EPHA6: variants seen among roughly 807,000 people sequenced by gnomAD.
EPHA6 encodes the protein ephrin type-A receptor 6.
Under a neutral mutation model 112.0 loss-of-function variants are expected in EPHA6, and 50 were observed. The observed-to-expected ratio is 0.45, with a 90% CI of 0.36 to 0.56. The LOEUF is 0.56. EPHA6 is among the 20% of genes least tolerant of loss of function. The pLI is 0.00. For synonymous variants in EPHA6, 529 were observed against 490.7 expected, an observed-to-expected ratio of 1.08 and a Z score of -1.03; for missense variants, 1,280 against 1,417.4, an observed-to-expected ratio of 0.90 and a Z score of 1.56.
At chr3:96,829,959 A>G (rs879440994) in intron 1 of EPHA6, among the ~76,000 whole-genome samples, 8,571 of 145,022 alleles carry the variant, frequency 0.059, 561 homozygotes, top group Admixed American at 0.21. Context: ...GCACACACAC[A>G]CACACACACA....
chr3:96,962,738 C>A (rs915284184), intron 2 of EPHA6, among the ~76,000 whole-genome samples: 2 of 151,604 alleles, frequency 1.3e-5, no homozygotes, highest in Non-Finnish European at 2.9e-5. Flanking sequence ...GCTAATTTAC[C>A]ATACTTGTTT....
At chr3:97,260,069 G>A (rs2079449436) in intron 5 of EPHA6, among the ~76,000 whole-genome samples, 1 of 152,116 alleles carries the variant, frequency 6.6e-6, no homozygotes, top group South Asian at 2.1e-4. Context: ...CCAAAGTGCT[G>A]GGATTACAGG....
chr3:97,737,580 G>A (rs1205421551), intron 16 of EPHA6, among the ~76,000 whole-genome samples: 4 of 152,044 alleles, frequency 2.6e-5, no homozygotes, highest in Non-Finnish European at 5.9e-5. Context: ...CAAGTTGGCT[G>A]ATGGTATTAC....
intron 3 of EPHA6, among the ~76,000 whole-genome samples, chr3:97,165,721 C>G (rs144440122): frequency 6.6e-6 from 1 of 152,218 alleles, no homozygotes; most frequent in Non-Finnish European, 1.5e-5. Flanking sequence ...CGTGAGTGAG[C>G]ACCACTGTGT....
intron 3 of EPHA6, among the ~76,000 whole-genome samples, chr3:97,005,726 C>T (rs2043853090): frequency 6.6e-6 from 1 of 152,098 alleles, no homozygotes; most frequent in Non-Finnish European, 1.5e-5. Context: ...CAGCTTTTGC[C>T]CATTCAATAT....
intron 6 of EPHA6, among the ~76,000 whole-genome samples, chr3:97,415,090 A>C (rs1440228589): frequency 6.6e-6 from 1 of 152,062 alleles, no homozygotes; most frequent in East Asian, 1.9e-4. Context: ...AGGGCAGTTT[A>C]TCATGCAAAC....
At chr3:97,233,455 C>T (rs1401325694) in intron 4 of EPHA6, among the ~76,000 whole-genome samples, 1 of 152,026 alleles carries the variant, frequency 6.6e-6, no homozygotes, top group African/African-American at 2.4e-5. Context: ...CATGGTAAGT[C>T]CAGCAAGATA....
intron 2 of EPHA6, among the ~76,000 whole-genome samples, chr3:96,897,239 C>CAT (rs1257534256): frequency 6.6e-6 from 1 of 151,508 alleles, no homozygotes; most frequent in African/African-American, 2.4e-5. Flanking sequence ...CACACACACA[C>CAT]ACATACTGTT....
chr3:97,050,957 A>G (rs965250842), intron 3 of EPHA6, among the ~76,000 whole-genome samples: 1 of 152,168 alleles, frequency 6.6e-6, no homozygotes, highest in Non-Finnish European at 1.5e-5. Flanking sequence ...TCGAACTTGA[A>G]TTTACTTAGT....
intron 11 of EPHA6, among the ~76,000 whole-genome samples, chr3:97,569,428 T>C (rs1486522655): frequency 1.3e-5 from 2 of 152,298 alleles, no homozygotes; most frequent in Admixed American, 1.3e-4. Flanking sequence ...TTTGTATTCA[T>C]TGGCAGTGAT....
At chr3:97,629,930 T>C (rs1390080796) in intron 13 of EPHA6, among the ~76,000 whole-genome samples, 1 of 152,032 alleles carries the variant, frequency 6.6e-6, no homozygotes, top group Admixed American at 6.6e-5. Flanking sequence ...TTTGTATAAA[T>C]ATAGTACACA....
intron 3 of EPHA6, among the ~76,000 whole-genome samples, chr3:97,198,071 C>G (rs1167349680): frequency 6.6e-6 from 1 of 152,068 alleles, no homozygotes; most frequent in Non-Finnish European, 1.5e-5. Context: ...GTCAGGAACT[C>G]AAGACTATCT....
intron 7 of EPHA6, among the ~76,000 whole-genome samples, chr3:97,467,856 A>C (rs1043480903): frequency 1.1e-4 from 16 of 151,694 alleles, no homozygotes; most frequent in African/African-American, 3.6e-4. Context: ...TCATTAATGA[A>C]CACAAGAATC....
intron 1 of EPHA6, among the ~76,000 whole-genome samples, chr3:96,830,760 A>T (rs1455789979): frequency 1.3e-5 from 2 of 151,902 alleles, no homozygotes; most frequent in Non-Finnish European, 2.9e-5. Flanking sequence ...TTTGGAGAAC[A>T]ATTCTTAGGG....
intron 14 of EPHA6, among the ~76,000 whole-genome samples, chr3:97,657,293 C>T (rs1030947728): frequency 2.6e-5 from 4 of 151,638 alleles, no homozygotes; most frequent in East Asian, 1.9e-4. Context: ...AAAATAACTG[C>T]CACTAAAGGA....
At chr3:97,679,491 A>C (rs1323919903) in intron 14 of EPHA6, among the ~76,000 whole-genome samples, 2 of 152,314 alleles carry the variant, frequency 1.3e-5, no homozygotes, top group East Asian at 3.9e-4. Flanking sequence ...GCTGTTTAAA[A>C]GCATCTTTAA....
intron 12 of EPHA6, among the ~76,000 whole-genome samples, chr3:97,597,542 G>A (rs1429443337): frequency 1.3e-5 from 2 of 152,172 alleles, no homozygotes; most frequent in East Asian, 1.9e-4. Flanking sequence ...GCTATTCTCT[G>A]AGTAGCCATG....
rs948176908 is a variant in EPHA6, at chr3:97,755,029, G to T, written c.*6328G>T. ...CAAAGTTTTCTTTTAAACAAAACAT[G>T]GAAAAGTTCTTGCTTGAACTTTCAC... is the stretch of plus-strand genomic sequence containing the variant. On this transcript the variant is annotated 3_prime_UTR_variant, in exon 18 of 18. Transcript: ENST00000389672. 6.6e-6 allele frequency among the ~76,000 whole-genome samples: 1 copy of T among 152,120 alleles called. No individual in the cohort carries two copies. The highest frequency in any genetic ancestry group is 1.5e-5 in the Non-Finnish European group (1 of 68,012).
intron 11 of EPHA6, among the ~76,000 whole-genome samples, chr3:97,580,102 G>A (rs2093423688): frequency 6.6e-6 from 1 of 152,182 alleles, no homozygotes; most frequent in Non-Finnish European, 1.5e-5. Context: ...GCATAAAGTA[G>A]TTTTTGTGGT....
Sources: gnomAD v4.1 joint callset for allele counts (sites outside exome capture counted in the v4.1 genomes callset) on GRCh38, gnomAD v4.1.1 for gene constraint, MANE v1.5 for transcripts, NCBI Gene and HGNC (gene_info 2026-07-23, HGNC 2026-07-21) for gene names.